DNAH14: variants seen among roughly 807,000 people sequenced by gnomAD.
DNAH14 encodes axonemal beta dynein heavy chain 14.
In DNAH14, 478 loss-of-function variants were observed where a neutral mutation model predicts 520.9. The ratio of observed to expected loss-of-function variants is 0.92; its 90% CI spans 0.85 to 0.99. The LOEUF (loss-of-function observed/expected upper bound fraction) is 0.99. Ranked by LOEUF, DNAH14 falls within the 50% of genes least tolerant of loss-of-function variation. DNAH14 has a pLI of 0.00. For missense variants in DNAH14, 4,831 were observed against 5,234.5 expected (o/e 0.92, Z 2.38); for synonymous variants, 1,581 against 1,757.2 (o/e 0.90, Z 2.51).
chr1:225,111,967 G>GT (rs1393047644), intron 23 of DNAH14, among the ~76,000 whole-genome samples: 2 of 151,712 alleles, frequency 1.3e-5, no homozygotes, highest in African/African-American at 4.8e-5. Flanking sequence ...TAACTTTTTG[G>GT]TTTTTTCTAT....
At chr1:224,976,255 A>C (rs995793098) in intron 8 of DNAH14, among the ~76,000 whole-genome samples, 1 of 152,072 alleles carries the variant, frequency 6.6e-6, no homozygotes, top group African/African-American at 2.4e-5. Flanking sequence ...CTTGGTGTAG[A>C]GCTGAGTTCA....
intron 41 of DNAH14, among the ~76,000 whole-genome samples, chr1:225,208,939 G>T (rs2087963051): frequency 6.6e-6 from 1 of 151,982 alleles, no homozygotes; most frequent in Non-Finnish European, 1.5e-5. Flanking sequence ...CATTTCCATT[G>T]ACCTTCTTAT....
intron 55 of DNAH14, among the ~76,000 whole-genome samples, chr1:225,291,948 T>C (rs560299702): frequency 6.6e-6 from 1 of 152,260 alleles, no homozygotes; most frequent in Non-Finnish European, 1.5e-5. Flanking sequence ...TTATTTTTTG[T>C]TTTTGCTGTT....
intron 77 of DNAH14, among the ~76,000 whole-genome samples, chr1:225,368,399 T>C (rs1011633064): frequency 6.6e-6 from 1 of 152,130 alleles, no homozygotes; most frequent in Admixed American, 6.5e-5. Flanking sequence ...CTTAGAAGAG[T>C]GCCTGACAGA....
intron 81 of DNAH14, among the ~76,000 whole-genome samples, chr1:225,383,203 C>G (rs1387445159): frequency 6.6e-6 from 1 of 152,108 alleles, no homozygotes; most frequent in African/African-American, 2.4e-5. Flanking sequence ...TGAGTTATAT[C>G]TCAATGAAGT....
chr1:225,181,378 T>G (rs1325432036), intron 36 of DNAH14, among the ~76,000 whole-genome samples: 1 of 152,168 alleles, frequency 6.6e-6, no homozygotes, highest in Non-Finnish European at 1.5e-5. Context: ...GGTAGTTCTA[T>G]TTTTAGTTCT....
intron 68 of DNAH14, among the ~76,000 whole-genome samples, chr1:225,338,545 C>A (rs77798276): frequency 0.14 from 21,144 of 151,956 alleles, 1,711 homozygotes; most frequent in South Asian, 0.26. Flanking sequence ...CTTTAAAAAA[C>A]ACACACACAC....
intron 84 of DNAH14, among the ~76,000 whole-genome samples, chr1:225,394,842 T>TAAAA (rs35980785): frequency 7.9e-6 from 1 of 126,662 alleles, no homozygotes. Flanking sequence ...AGACTCTGTC[T>TAAAA]AAAAAAAAAA....
In DNAH14 at chr1:225,369,497, T is replaced by C. The variant is rs74149906; in HGVS notation, c.12318+1465T>C. Among the ~76,000 whole-genome samples, 22 of 127,850 alleles carry C rather than the reference T, an allele frequency of 1.7e-4. 1 individual carries two copies. The highest frequency in any genetic ancestry group is 9.4e-4 in the East Asian group (4 of 4,268). The allele number at this position is 127,850 out of a possible 152,430, so 83.9% of individuals were successfully genotyped here. A position where few individuals can be genotyped will look rare whatever the true frequency, so the allele number is the denominator to read the frequency against. On this transcript the variant is annotated intron_variant, in intron 77 of 85. Transcript: ENST00000682510. ...ATTGTAGCATATATATATATATATA[T>C]ACACACATGTATATATACACTGGTA...
chr1:225,030,638 C>T (rs2066456566), intron 11 of DNAH14, among the ~76,000 whole-genome samples: 1 of 151,836 alleles, frequency 6.6e-6, no homozygotes. Flanking sequence ...GACTAATCTT[C>T]CTCCAGACAA....
intron 43 of DNAH14, among the ~76,000 whole-genome samples, chr1:225,242,358 A>G (rs141436884): frequency 1.1e-3 from 172 of 152,188 alleles, no homozygotes; most frequent in African/African-American, 4.0e-3. Flanking sequence ...GCAAAAACAC[A>G]TTGTGTAAAA....
At chr1:225,339,226 G>A (rs761916060) in intron 68 of DNAH14, among the ~76,000 whole-genome samples, 13 of 151,596 alleles carry the variant, frequency 8.6e-5, no homozygotes, top group African/African-American at 2.2e-4. Flanking sequence ...CAGGAGAATC[G>A]CTTGAACCTG....
At chr1:225,023,364 CTT>C (rs373448459) in intron 10 of DNAH14, among the ~76,000 whole-genome samples, 3 of 144,864 alleles carry the variant, frequency 2.1e-5, no homozygotes, top group African/African-American at 2.5e-5. Context: ...TCTCCTCTGT[CTT>C]TTTTTTTTTT....
Position 225,080,497 on chromosome 1 carries a change from A to T in DNAH14, c.2885A>T (p.Tyr962Phe). 1 of 1,551,882 alleles carries T rather than the reference A, an allele frequency of 6.4e-7. No individual in the cohort carries two copies. Among genetic ancestry groups the T allele is most frequent in the East Asian group, 2.4e-5 (1 of 40,916 alleles). Reference protein sequence around the residue: ...LTNKAKAYSHYQDCFSDSQSH... With the variant: ...LTNKAKAYSHFQDCFSDSQSH... ...AACAAAGCTAAAGCATATTCACATT[A>T]TCAGGATTGTTTCAGTGATTCTCAA... The change falls in exon 19 of 86, where the codon TAT becomes TTT. Residue 962 changes from tyrosine to phenylalanine, a missense_variant. Physicochemically the swap from Tyr to Phe is conservative, Grantham distance 22 (BLOSUM62 3). Transcript: ENST00000682510.
chr1:224,977,886 A>T (rs1174188129), intron 8 of DNAH14, among the ~76,000 whole-genome samples: 1 of 152,076 alleles, frequency 6.6e-6, no homozygotes, highest in Non-Finnish European at 1.5e-5. Flanking sequence ...CAAAAGAAGG[A>T]ATACAAATGG....
intron 51 of DNAH14, 57 bp downstream of exon 51, chr1:225,272,130 A>T (rs2149838164): frequency 6.9e-7 from 1 of 1,452,356 alleles, no homozygotes; most frequent in East Asian, 2.5e-5. Context: ...GCTCTCTCTC[A>T]TACTGTCAAC....
intron 60 of DNAH14, among the ~76,000 whole-genome samples, chr1:225,309,784 T>C (rs541216441): frequency 6.6e-6 from 1 of 152,102 alleles, no homozygotes; most frequent in African/African-American, 2.4e-5. Flanking sequence ...TCCCAGCTAC[T>C]TAGGAGGCTG....
intron 36 of DNAH14, among the ~76,000 whole-genome samples, chr1:225,173,976 C>G (rs61851475): frequency 0.13 from 19,428 of 152,118 alleles, 1,396 homozygotes; most frequent in East Asian, 0.31. Context: ...ATAGATGAAG[C>G]TGGAAACCAT....
At chr1:225,159,189 A>G (rs2081312687) in intron 34 of DNAH14, 125 bp from the exon 35 acceptor site, 2 of 714,496 alleles carry the variant, frequency 2.8e-6, no homozygotes, top group African/African-American at 1.8e-5. Flanking sequence ...GCTGCTATCC[A>G]GTGAGAGAGA....
Sources: gnomAD v4.1 joint callset for allele counts (sites outside exome capture counted in the v4.1 genomes callset) on GRCh38, gnomAD v4.1.1 for gene constraint, MANE v1.5 for transcripts, NCBI Gene and HGNC (gene_info 2026-07-23, HGNC 2026-07-21) for gene names.